FBN1: variants seen among roughly 807,000 people sequenced by gnomAD.
FBN1 encodes the protein fibrillin-1.
A neutral mutation model predicts 365.1 loss-of-function variants in FBN1; 29 were observed. The ratio of observed to expected loss-of-function variants is 0.08; its 90% CI spans 0.06 to 0.11. The LOEUF is 0.11. Among genes scored for constraint, FBN1 ranks in the 10% least tolerant of loss-of-function variants. The probability of loss-of-function intolerance (pLI) is 1.00; values close to 1 mark genes in which losing one functional copy is unlikely to be tolerated. For missense variants in FBN1, 2,476 were observed against 3,703.2 expected (o/e 0.67, Z 8.60); for synonymous variants, 1,210 against 1,270.5 (o/e 0.95, Z 1.01).
rs57915350 is a variant in FBN1 at position 48,547,721 on chromosome 15, TCACACACACACACACACACACACACA to T, written c.539-9939_539-9914del. ...AGGTTGTTTGTATATCTTCTCTCTT[TCACACACACACACACACACACACACA>T]CACACACACACACACACACACACAC... On this transcript the variant is annotated intron_variant, in intron 6 of 65. Transcript: ENST00000316623. Among the ~76,000 whole-genome samples the T allele has an allele frequency of 5.2e-4, 68 of 131,224 alleles. 2 individuals carry two copies. The South Asian group carries it at 0.013, about 24-fold the overall frequency. The allele number at this position is 131,224 out of a possible 152,430, so 86.1% of individuals were successfully genotyped here.
At chr15:48,449,203 C>T (rs552521395) in intron 45 of FBN1, among the ~76,000 whole-genome samples, 13 of 152,234 alleles carry the variant, frequency 8.5e-5, no homozygotes, top group African/African-American at 2.6e-4. Context: ...TATCGGCCTA[C>T]GCAGCACCAC....
chr15:48,518,863 C>T (rs2043827748), intron 10 of FBN1, among the ~76,000 whole-genome samples: 1 of 152,180 alleles, frequency 6.6e-6, no homozygotes, highest in African/African-American at 2.4e-5. Flanking sequence ...AACCTACCTG[C>T]AAGTTATTTT....
intron 6 of FBN1, among the ~76,000 whole-genome samples, chr15:48,562,595 A>T (rs2044231237): frequency 6.6e-6 from 1 of 152,156 alleles, no homozygotes; most frequent in South Asian, 2.1e-4. Flanking sequence ...TTAAAACCAA[A>T]GTATTTTCAT....
intron 8 of FBN1, among the ~76,000 whole-genome samples, chr15:48,528,379 T>C (rs1038446566): frequency 1.3e-5 from 2 of 152,204 alleles, no homozygotes; most frequent in East Asian, 3.8e-4. Flanking sequence ...AGAGTTTGCA[T>C]GTGCTGAGTG....
intron 32 of FBN1, among the ~76,000 whole-genome samples, chr15:48,480,788 A>G (rs1488253214): frequency 3.9e-5 from 6 of 152,156 alleles, no homozygotes. Context: ...GGAATTAAAG[A>G]CTGTTATTTA....
chr15:48,411,444 G>GA lies in FBN1; in HGVS notation c.8227-66dup, dbSNP rs1376311451. 10 of 1,473,018 alleles carry GA rather than the reference G, an allele frequency of 6.8e-6. No homozygotes were observed. In the African/African-American group the frequency reaches 8.3e-5, roughly 12 times the overall value. 91.2% of individuals were successfully genotyped at this position (1,473,018 alleles called of 1,614,324 possible). On this transcript the variant is annotated intron_variant, in intron 65 of 65. Transcript: ENST00000316623. ...TATGCCACTTAGCTCTCATATTAAA[G>GA]AAAAAATGACTCAAATTTCACACTA... is the stretch of plus-strand genomic sequence containing the variant.
intron 58 of FBN1, among the ~76,000 whole-genome samples, chr15:48,426,287 G>C (rs1424257402): frequency 6.6e-6 from 1 of 152,092 alleles, no homozygotes; most frequent in Non-Finnish European, 1.5e-5. Context: ...CCCTAGTATT[G>C]CATGCTCAAA....
chr15:48,600,636 C>A (rs542963196), intron 4 of FBN1, among the ~76,000 whole-genome samples: 2 of 152,052 alleles, frequency 1.3e-5, no homozygotes, highest in Admixed American at 6.5e-5. Flanking sequence ...CCTGGGGGGG[C>A]AGAGGTTGTA....
Position 48,499,038 on chromosome 15 carries a change from G to A in FBN1, c.2114C>T (p.Ala705Val), listed in dbSNP as rs1426292408. 14 of 1,614,014 alleles carry A rather than the reference G, an allele frequency of 8.7e-6. No individual in the cohort carries two copies. Among genetic ancestry groups the A allele is most frequent in the South Asian group, 3.3e-5 (3 of 91,076 alleles). ...PCQPCPAQNS[A>V]EYQALCSSGP... is the part of the protein sequence containing the mutation. ...ACTGCTGCAGAGTGCCTGATATTCCGCTGCAATAAATTAACAGATAGTAAA... is the reference window on the plus strand; with the variant it reads ...ACTGCTGCAGAGTGCCTGATATTCCACTGCAATAAATTAACAGATAGTAAA... The change falls in exon 18 of 66, where the codon GCG becomes GTG. Residue 705 changes from alanine (A) to valine (V), a missense_variant and splice_region_variant. Around this residue, in one of 5 missense-constraint regions of FBN1, gnomAD observed 1,780 missense variants for 2,840.8 expected, o/e 0.63. Coordinates refer to ENST00000316623, the MANE Select transcript of FBN1 (RefSeq NM_000138.5).
chr15:48,427,528 A>C, intron 58 of FBN1, 39 bp downstream of exon 58: 1 of 1,585,278 alleles, frequency 6.3e-7, no homozygotes, highest in Non-Finnish European at 8.7e-7. Flanking sequence ...ACAAATAAAT[A>C]GATTCCCTGC....
rs528870539 is a variant in FBN1, at chr15:48,532,506, A to ATGTGTGTGTGTGTGTGTG, written c.862+1573_862+1574insCACACACACACACACACA. Among the ~76,000 whole-genome samples the ATGTGTGTGTGTGTGTGTG allele has an allele frequency of 7.6e-4, 114 of 149,724 alleles. 1 individual carries two copies. The East Asian group carries it at 0.014, about 18-fold the overall frequency. On this transcript the variant is annotated intron_variant, in intron 8 of 65. Coordinates refer to ENST00000316623, the MANE Select transcript of FBN1 (RefSeq NM_000138.5). Reference sequence around the variant, plus strand: ...TGTGTGTGTGTATATATATATGTGTATGTGTGTGTGTGTGTGTATATGGCC... The same window carrying ATGTGTGTGTGTGTGTGTG: ...TGTGTGTGTGTATATATATATGTGTATGTGTGTGTGTGTGTGTGTGTGTGTGTGTGTGTGTATATGGCC...
intron 10 of FBN1, among the ~76,000 whole-genome samples, chr15:48,518,318 T>A (rs972484630): frequency 6.6e-6 from 1 of 152,176 alleles, no homozygotes; most frequent in Non-Finnish European, 1.5e-5. Flanking sequence ...TCAGGGATCA[T>A]CTCTAACTCA....
chr15:48,425,929 G>A, intron 58 of FBN1, 65 bp from the exon 59 acceptor site: 1 of 1,289,634 alleles, frequency 7.8e-7, no homozygotes, highest in Non-Finnish European at 1.1e-6. Flanking sequence ...TATGTAGGGG[G>A]TCACTTCAGT....
chr15:48,457,397 A>G (rs1312599680), intron 43 of FBN1, among the ~76,000 whole-genome samples: 1 of 152,212 alleles, frequency 6.6e-6, no homozygotes, highest in Non-Finnish European at 1.5e-5. Flanking sequence ...TTAGCACTCT[A>G]CATGACAGGT....
chr15:48,558,582 TGAAAAAGCAAA>T (rs1372661963), intron 6 of FBN1, among the ~76,000 whole-genome samples: 1 of 152,116 alleles, frequency 6.6e-6, no homozygotes, highest in African/African-American at 2.4e-5. Flanking sequence ...GGCAGAATTA[TGAAAAAGCAAA>T]GAAAAAGCAC....
At chr15:48,641,979 C>A (rs1040181041) in intron 2 of FBN1, 6 of 152,168 alleles carry the variant, frequency 3.9e-5, no homozygotes, top group African/African-American at 1.4e-4. Context: ...CATATAAACA[C>A]GTGTATGTAA....
chr15:48,487,252 G>A (rs758107889), intron 28 of FBN1, 52 bp from the exon 29 acceptor site: 2 of 1,614,126 alleles, frequency 1.2e-6, no homozygotes, highest in South Asian at 1.1e-5. Context: ...TCCAACTTTG[G>A]CAATGATGTC....
intron 6 of FBN1, among the ~76,000 whole-genome samples, chr15:48,553,286 T>C (rs1360890541): frequency 6.6e-6 from 1 of 152,146 alleles, no homozygotes; most frequent in Admixed American, 6.5e-5. Flanking sequence ...ATTTGATTGC[T>C]TACCATAACA....
At chr15:48,575,361 ATGT>A (rs2044337542) in intron 6 of FBN1, among the ~76,000 whole-genome samples, 1 of 147,024 alleles carries the variant, frequency 6.8e-6, no homozygotes, top group East Asian at 1.9e-4. Context: ...GTATGTATGT[ATGT>A]ATTTAGGGGG....
Sources: allele counts gnomAD v4.1 joint callset (sites outside exome capture counted in the v4.1 genomes callset), GRCh38; gene constraint gnomAD v4.1.1; regional missense constraint gnomAD v4.1.1; transcripts MANE v1.5; gene names NCBI Gene and HGNC (gene_info 2026-07-23, HGNC 2026-07-21).